The following CEP43 variants were observed in gnomAD, a reference collection of about 807,000 sequenced individuals.
The protein encoded by CEP43 is FGFR1 oncogene partner.
A neutral mutation model predicts 52.6 loss-of-function variants in CEP43; 36 were observed. That is an observed-to-expected ratio of 0.68 (90% CI 0.52 to 0.90). The LOEUF (loss-of-function observed/expected upper bound fraction) is 0.90. CEP43 is among the 40% of genes least tolerant of loss of function. The pLI is 0.00. For missense variants in CEP43, 506 were observed against 472.8 expected, an observed-to-expected ratio of 1.07 and a Z score of -0.65; for synonymous variants, 192 against 172.4, an observed-to-expected ratio of 1.11 and a Z score of -0.89.
Position 167,028,295 on chromosome 6 carries a change from G to C in CEP43, c.988+1680G>C, listed in dbSNP as rs976587910. On this transcript the variant is annotated intron_variant, in intron 10 of 12. Transcript: ENST00000366847. ...TGCCGAGAATTGTCATCCTCAGGAG[G>C]GAATGTCGTTGCTGGGGCTGCAGAG... The C allele has an allele frequency of 3.0e-6, 3 of 985,260 alleles. No homozygotes were observed. The East Asian group carries it at 3.4e-4, about 112-fold the overall frequency. The allele number at this position is 985,260 out of a possible 1,614,324, so 61.0% of individuals were successfully genotyped here.
Position 167,026,629 on chromosome 6 carries a change from T to C in CEP43, c.988+14T>C. 1 of 1,520,516 alleles carries C rather than the reference T, an allele frequency of 6.6e-7. No homozygotes were observed. Among genetic ancestry groups the C allele is most frequent in the Non-Finnish European group, 9.1e-7 (1 of 1,095,310 alleles). 94.2% of individuals were successfully genotyped at this position (1,520,516 alleles called of 1,614,324 possible). A position where few individuals can be genotyped will look rare whatever the true frequency, so the allele number is the denominator to read the frequency against. ...CACTTGGATTAGGTAATTAGATTTC[T>C]AGTTTTTGTGCTGATCGTTTTAAAG... On this transcript the variant is annotated intron_variant, in intron 10 of 12. Coordinates refer to ENST00000366847, the MANE Select transcript of CEP43 (RefSeq NM_007045.4).
intron 12 of CEP43, among the ~76,000 whole-genome samples, chr6:167,039,161 G>T (rs564545662): frequency 3.3e-5 from 5 of 151,308 alleles, no homozygotes; most frequent in African/African-American, 1.2e-4. Context: ...TCGGAGTCTC[G>T]CTCTGTCACC....
intron 7 of CEP43, among the ~76,000 whole-genome samples, chr6:167,022,056 G>A (rs1780244751): frequency 6.6e-6 from 1 of 152,196 alleles, no homozygotes; most frequent in Admixed American, 6.5e-5. Context: ...GAGGAGATGG[G>A]AAATTGTTTC....
chr6:167,004,168 T>A, intron 4 of CEP43, 96 bp from the exon 5 acceptor site: 5 of 1,310,700 alleles, frequency 3.8e-6, no homozygotes, highest in Non-Finnish European at 5.1e-6. Flanking sequence ...CTCTTTGAGT[T>A]TAAAGATGTC....
chr6:167,033,849 A>T (rs774315180), intron 11 of CEP43, 26 bp from the exon 12 acceptor site: 7 of 1,147,282 alleles, frequency 6.1e-6, no homozygotes, highest in Non-Finnish European at 8.9e-6. Context: ...CAGAGTTCTT[A>T]TTTTTTTTTC....
In CEP43 at chr6:167,049,749, T is replaced by C. The variant is rs1780845272; in HGVS notation, c.*9771T>C. Reference sequence around the variant, plus strand: ...ACATAAAAGTGGAGCCTCTGAGTAATATAATAACTCTATGTTTGGTGTTTT... The same window carrying C: ...ACATAAAAGTGGAGCCTCTGAGTAACATAATAACTCTATGTTTGGTGTTTT... On this transcript the variant is annotated 3_prime_UTR_variant, in exon 13 of 13. Coordinates refer to ENST00000366847, the MANE Select transcript of CEP43 (RefSeq NM_007045.4). The C allele has an allele frequency of 1.3e-5, 2 of 152,232 alleles. No homozygotes were observed. The highest frequency in any genetic ancestry group is 4.8e-5 in the African/African-American group (2 of 41,466). The allele number at this position is 152,232 out of a possible 1,614,324, so 9.4% of individuals were successfully genotyped here. A position where few individuals can be genotyped will look rare whatever the true frequency, so the allele number is the denominator to read the frequency against.
chr6:167,027,877 G>A (rs950870924), intron 10 of CEP43: 51 of 985,486 alleles, frequency 5.2e-5, no homozygotes, highest in Non-Finnish European at 6.1e-5. Flanking sequence ...AAGAATAAAT[G>A]TTCCCTGAGC....
At chr6:167,014,687 T>C (rs1231468569) in intron 7 of CEP43, among the ~76,000 whole-genome samples, 1 of 152,206 alleles carries the variant, frequency 6.6e-6, no homozygotes, top group Admixed American at 6.5e-5. Flanking sequence ...GTATTCTCTT[T>C]CTGTTCACAC....
rs1049264089 is a variant in CEP43, at chr6:167,040,763, A to G, written c.*785A>G. 7.9e-6 allele frequency: 8 copies of G among 1,017,502 alleles called. No individual in the cohort carries two copies. Among genetic ancestry groups the G allele is most frequent in the Non-Finnish European group, 9.4e-6 (8 of 846,586 alleles). The allele number at this position is 1,017,502 out of a possible 1,614,324, so 63.0% of individuals were successfully genotyped here. A position where few individuals can be genotyped will look rare whatever the true frequency, so the allele number is the denominator to read the frequency against. On this transcript the variant is annotated 3_prime_UTR_variant, in exon 13 of 13. Coordinates refer to ENST00000366847, the MANE Select transcript of CEP43 (RefSeq NM_007045.4). ...TCCTTGAAACTTAAATGCATCTGAAACCATTAAGCAGTGCTTTTATTTCAG... is the reference window on the plus strand; with the variant it reads ...TCCTTGAAACTTAAATGCATCTGAAGCCATTAAGCAGTGCTTTTATTTCAG...
At chr6:167,039,555 T>C (rs1265539563) in intron 12 of CEP43, among the ~76,000 whole-genome samples, 1 of 152,258 alleles carries the variant, frequency 6.6e-6, no homozygotes, top group Non-Finnish European at 1.5e-5. Context: ...ATTGTGCTGC[T>C]GTAAACATGC....
chr6:167,021,193 T>C (rs1451282670), intron 7 of CEP43, among the ~76,000 whole-genome samples: 2 of 152,234 alleles, frequency 1.3e-5, no homozygotes, highest in African/African-American at 4.8e-5. Flanking sequence ...CTGCTCTCTT[T>C]AGTATGCAAG....
At chr6:167,016,419 A>AT (rs1458328442) in intron 7 of CEP43, among the ~76,000 whole-genome samples, 3 of 152,132 alleles carry the variant, frequency 2.0e-5, no homozygotes, top group Admixed American at 6.5e-5. Flanking sequence ...CAGCTGGCTA[A>AT]TTTTTTAAAA....
At chr6:166,999,746 C>T (rs1779684566) in intron 1 of CEP43, 6 of 507,978 alleles carry the variant, frequency 1.2e-5, no homozygotes, top group Admixed American at 4.0e-5. Flanking sequence ...TGGCCCATCC[C>T]CTGCCTCATT....
chr6:167,010,930 C>G, intron 6 of CEP43, 37 bp downstream of exon 6: 8 of 1,277,728 alleles, frequency 6.3e-6, no homozygotes, highest in Non-Finnish European at 7.8e-6. Flanking sequence ...CATGTCTGGA[C>G]TTAACTCCAG....
At chr6:167,012,880 G>A (rs914253890) in intron 6 of CEP43, among the ~76,000 whole-genome samples, 1 of 152,176 alleles carries the variant, frequency 6.6e-6, no homozygotes, top group Non-Finnish European at 1.5e-5. Context: ...CCGTTTCTCA[G>A]TTGGCCTCAT....
chr6:167,005,974 CTG>C (rs1464439558), intron 5 of CEP43, among the ~76,000 whole-genome samples: 3 of 152,240 alleles, frequency 2.0e-5, no homozygotes, highest in African/African-American at 7.2e-5. Context: ...AGCATGGACT[CTG>C]GAACCAGGTT....
intron 9 of CEP43, among the ~76,000 whole-genome samples, chr6:167,025,890 A>G (rs1780343507): frequency 6.6e-6 from 1 of 152,252 alleles, no homozygotes; most frequent in African/African-American, 2.4e-5. Flanking sequence ...TTAGTAAGTG[A>G]AATAGCAGTT....
At chr6:166,999,926 C>T (rs1206399735) in intron 1 of CEP43, 134 bp from the exon 2 acceptor site, 8 of 665,562 alleles carry the variant, frequency 1.2e-5, no homozygotes, top group South Asian at 1.9e-5. Context: ...GAGAACGTTT[C>T]GGAAGGCGTT....
At chr6:167,002,206 C>T (rs1052281095) in intron 2 of CEP43, among the ~76,000 whole-genome samples, 8 of 152,120 alleles carry the variant, frequency 5.3e-5, no homozygotes, top group Non-Finnish European at 1.0e-4. Context: ...CCCTCTCCCC[C>T]ACCCCAAACC....
Sources: gnomAD v4.1 joint callset for allele counts (sites outside exome capture counted in the v4.1 genomes callset) on GRCh38, gnomAD v4.1.1 for gene constraint, MANE v1.5 for transcripts, NCBI Gene and HGNC (gene_info 2026-07-23, HGNC 2026-07-21) for gene names.